The following SCHIP1 variants were observed in gnomAD, a reference collection of about 807,000 sequenced individuals.
The protein encoded by SCHIP1 is schwannomin-interacting protein 1.
A neutral mutation model predicts 29.7 loss-of-function variants in SCHIP1; 8 were observed. The ratio of observed to expected loss-of-function variants is 0.27; its 90% CI spans 0.16 to 0.49. The LOEUF is 0.49. Ranked by LOEUF, SCHIP1 falls within the 20% of genes least tolerant of loss-of-function variation. SCHIP1 has a pLI of 0.99. For missense variants in SCHIP1, 193 were observed against 294.6 expected, an observed-to-expected ratio of 0.66 and a Z score of 2.52; for synonymous variants, 76 against 94.9, an observed-to-expected ratio of 0.80 and a Z score of 1.16.
chr3:159,425,704 T>G, the SCHIP1 span, among the ~76,000 whole-genome samples: 1 of 152,212 alleles, frequency 6.6e-6, no homozygotes, highest in Admixed American at 6.5e-5. Flanking sequence ...AATAGACATC[T>G]ACAGAACTCT....
the SCHIP1 span, among the ~76,000 whole-genome samples, chr3:159,773,609 A>T: frequency 6.6e-6 from 1 of 152,230 alleles, no homozygotes. Flanking sequence ...GAGCTTCCAA[A>T]ACTGGAAGTA....
the SCHIP1 span, among the ~76,000 whole-genome samples, chr3:159,433,101 TA>T: frequency 1.3e-5 from 2 of 152,194 alleles, no homozygotes; most frequent in African/African-American, 4.8e-5. Context: ...AAGAAGGAAT[TA>T]ATGAGGCTCA....
the SCHIP1 span, among the ~76,000 whole-genome samples, chr3:159,659,538 T>C: frequency 2.0e-5 from 3 of 152,338 alleles, no homozygotes; most frequent in African/African-American, 7.2e-5. Context: ...TGCAGCTTCA[T>C]TTCCAAGTGC....
At chr3:159,714,371 G>A in the SCHIP1 span, among the ~76,000 whole-genome samples, 1 of 152,216 alleles carries the variant, frequency 6.6e-6, no homozygotes, top group African/African-American at 2.4e-5. Flanking sequence ...CGGGTTCACT[G>A]GGGCTTGTCG....
At chr3:159,444,324 C>T in the SCHIP1 span, among the ~76,000 whole-genome samples, 1 of 152,104 alleles carries the variant, frequency 6.6e-6, no homozygotes, top group Admixed American at 6.6e-5. Flanking sequence ...GCCTACTCTC[C>T]ACCCAAACAC....
the SCHIP1 span, among the ~76,000 whole-genome samples, chr3:159,585,044 G>A: frequency 1.3e-5 from 2 of 151,604 alleles, no homozygotes; most frequent in African/African-American, 4.9e-5. Flanking sequence ...TTCTACCCCG[G>A]CCACCCTATT....
chr3:159,762,965 C>T, the SCHIP1 span, among the ~76,000 whole-genome samples: 1 of 152,294 alleles, frequency 6.6e-6, no homozygotes, highest in South Asian at 2.1e-4. Context: ...GGTGGCTCGC[C>T]CAACCCTTTA....
the SCHIP1 span, among the ~76,000 whole-genome samples, chr3:159,552,285 A>G: frequency 2.6e-5 from 4 of 151,980 alleles, no homozygotes; most frequent in Non-Finnish European, 4.4e-5. Context: ...ACCCCAGGTG[A>G]TCCACCAGCC....
chr3:159,859,294 T>C (rs756305665), intron 1 of SCHIP1, among the ~76,000 whole-genome samples: 3 of 152,238 alleles, frequency 2.0e-5, no homozygotes, highest in Non-Finnish European at 4.4e-5. Flanking sequence ...ATTAGTATAT[T>C]TGGGTTTTCT....
chr3:159,839,076 G>A (rs1161622261), upstream of SCHIP1, among the ~76,000 whole-genome samples: 6 of 151,904 alleles, frequency 3.9e-5, no homozygotes, highest in African/African-American at 7.3e-5. Context: ...AAGTCCTGAA[G>A]TGGCCCTGAA....
the SCHIP1 span, among the ~76,000 whole-genome samples, chr3:159,821,502 G>A: frequency 6.6e-6 from 1 of 152,012 alleles, no homozygotes; most frequent in Non-Finnish European, 1.5e-5. Flanking sequence ...AGTACTGAAC[G>A]CAATTGCCAT....
chr3:159,831,421 G>A, the SCHIP1 span, among the ~76,000 whole-genome samples: 27 of 152,024 alleles, frequency 1.8e-4, 1 homozygote, highest in Non-Finnish European at 2.9e-5. Flanking sequence ...CAGGACCCTC[G>A]GAGGATGCCT....
the SCHIP1 span, among the ~76,000 whole-genome samples, chr3:159,597,002 A>G: frequency 6.6e-6 from 1 of 151,854 alleles, no homozygotes; most frequent in Non-Finnish European, 1.5e-5. Context: ...AAAAGAAATG[A>G]GCCCTAGGCT....
At chr3:159,523,559 G>T in the SCHIP1 span, among the ~76,000 whole-genome samples, 2 of 152,108 alleles carry the variant, frequency 1.3e-5, no homozygotes, top group Non-Finnish European at 2.9e-5. Context: ...CTGTAAATGT[G>T]TATATAAGTG....
the SCHIP1 span, among the ~76,000 whole-genome samples, chr3:159,657,174 G>A: frequency 5.3e-5 from 8 of 152,306 alleles, no homozygotes; most frequent in South Asian, 1.7e-3. Context: ...TTCCAGGAGA[G>A]ATGAAATCAT....
chr3:159,735,231 C>CTT, the SCHIP1 span, among the ~76,000 whole-genome samples: 27 of 144,264 alleles, frequency 1.9e-4, 1 homozygote, highest in African/African-American at 3.8e-4. Flanking sequence ...CCAATTGCTA[C>CTT]TTTTTTTTTT....
the SCHIP1 span, among the ~76,000 whole-genome samples, chr3:159,331,177 G>A: frequency 6.6e-6 from 1 of 152,112 alleles, no homozygotes; most frequent in African/African-American, 2.4e-5. Context: ...ATTTCCACTG[G>A]GGGGCCACTG....
At chr3:159,751,808 G>A in the SCHIP1 span, among the ~76,000 whole-genome samples, 1 of 152,050 alleles carries the variant, frequency 6.6e-6, no homozygotes, top group East Asian at 1.9e-4. Flanking sequence ...GGCCTCCCAG[G>A]AAGTGCTGGG....
chr3:159,623,167 T>C, the SCHIP1 span, among the ~76,000 whole-genome samples: 3 of 152,104 alleles, frequency 2.0e-5, no homozygotes, highest in Non-Finnish European at 4.4e-5. Flanking sequence ...TAGGCATAAG[T>C]GTTTTAAAAA....
Sources: gnomAD v4.1 joint callset for allele counts (sites outside exome capture counted in the v4.1 genomes callset) on GRCh38, gnomAD v4.1.1 for gene constraint, MANE v1.5 for transcripts, NCBI Gene and HGNC (gene_info 2026-07-23, HGNC 2026-07-21) for gene names.